Variants in SLCO1A2 observed in about 807,000 individuals in gnomAD.
The protein encoded by SLCO1A2 is OATP-1.
Under a neutral mutation model 69.0 loss-of-function variants are expected in SLCO1A2, and 67 were observed. The ratio of observed to expected loss-of-function variants is 0.97; its 90% CI spans 0.80 to 1.19. The LOEUF (loss-of-function observed/expected upper bound fraction) is 1.19, where lower values mean the gene tolerates loss of function less well. Among genes scored for constraint, SLCO1A2 ranks in the 50% most tolerant of loss-of-function variants. The pLI is 0.00. For synonymous variants in SLCO1A2, 260 were observed against 265.9 expected (o/e 0.98, Z 0.22); for missense variants, 787 against 793.7 (o/e 0.99, Z 0.10).
upstream of SLCO1A2, among the ~76,000 whole-genome samples, chr12:21,335,632 A>C (rs7980167): frequency 6.6e-6 from 1 of 152,016 alleles, no homozygotes; most frequent in Admixed American, 6.6e-5. Context: ...TAATTAATTA[A>C]GTCCTTTAAA....
chr12:21,394,414 G>A (rs1399599530), intron 1 of SLCO1A2, among the ~76,000 whole-genome samples: 2 of 145,732 alleles, frequency 1.4e-5, no homozygotes, highest in African/African-American at 5.1e-5. Context: ...GGTAGTGCAT[G>A]CCTGTAGTCC....
chr12:21,305,164 C>T (rs181958709), intron 5 of SLCO1A2, among the ~76,000 whole-genome samples: 2 of 152,322 alleles, frequency 1.3e-5, no homozygotes, highest in African/African-American at 4.8e-5. Flanking sequence ...CACCAAATAA[C>T]TTTCAATACA....
At chr12:21,383,629 T>C (rs952762640) in intron 1 of SLCO1A2, among the ~76,000 whole-genome samples, 1 of 152,198 alleles carries the variant, frequency 6.6e-6, no homozygotes, top group African/African-American at 2.4e-5. Flanking sequence ...AGAGTCTATG[T>C]AAATACAGGT....
chr12:21,390,470 A>G (rs1048972975), intron 1 of SLCO1A2, among the ~76,000 whole-genome samples: 1 of 152,178 alleles, frequency 6.6e-6, no homozygotes, highest in African/African-American at 2.4e-5. Context: ...GTGGTTGTGG[A>G]AGAATAAAGA....
At position 21,331,529 on chromosome 12, in the gene SLCO1A2, C is replaced by T. The variant is rs2136943979; in HGVS notation, c.60+3059G>A. Among the ~76,000 whole-genome samples the T allele has an allele frequency of 1.3e-5, 2 of 152,076 alleles. 1 individual carries two copies. The highest frequency in any genetic ancestry group is 4.8e-5 in the African/African-American group (2 of 41,504). On this transcript the variant is annotated intron_variant, in intron 2 of 14. Coordinates refer to ENST00000683939, the MANE Select transcript of SLCO1A2 (RefSeq NM_001386879.1). ...ACACCAGAACAACAAAAAACCCCAACAATATGATTACTGAGCACTCTAATG... is the reference window on the plus strand; with the variant it reads ...ACACCAGAACAACAAAAAACCCCAATAATATGATTACTGAGCACTCTAATG...
chr12:21,276,212 A>C (rs1045480401), intron 12 of SLCO1A2, among the ~76,000 whole-genome samples: 1 of 152,154 alleles, frequency 6.6e-6, no homozygotes, highest in African/African-American at 2.4e-5. Context: ...ACCTAACAAA[A>C]TCAACAAATT....
At chr12:21,391,423 GT>G (rs1941145523) in intron 1 of SLCO1A2, among the ~76,000 whole-genome samples, 1 of 152,202 alleles carries the variant, frequency 6.6e-6, no homozygotes, top group Admixed American at 6.5e-5. Flanking sequence ...TGAAAAACTA[GT>G]AACAGCATGC....
intron 2 of SLCO1A2, among the ~76,000 whole-genome samples, chr12:21,358,464 A>C (rs904797856): frequency 2.0e-5 from 3 of 152,210 alleles, no homozygotes; most frequent in African/African-American, 7.2e-5. Flanking sequence ...CTATGTAGCA[A>C]CATTAAAAAT....
Position 21,267,811 on chromosome 12 carries a change from C to T in SLCO1A2, c.*1737G>A, listed in dbSNP as rs1942237070. ...CTTGTTTTAGTTTCCAGGCCATTCT[C>T]CTCACTTCCTCCCACCACAAAGGAA... is the stretch of plus-strand genomic sequence containing the variant. On this transcript the variant is annotated 3_prime_UTR_variant, in exon 15 of 15. Coordinates refer to ENST00000683939, the MANE Select transcript of SLCO1A2 (RefSeq NM_001386879.1). The T allele has an allele frequency of 6.6e-6, 1 of 152,032 alleles. No homozygotes were observed. The highest frequency in any genetic ancestry group is 1.5e-5 in the Non-Finnish European group (1 of 68,014). 9.4% of individuals were successfully genotyped at this position (152,032 alleles called of 1,614,324 possible).
At chr12:21,376,717 T>C (rs1021304241) in intron 1 of SLCO1A2, among the ~76,000 whole-genome samples, 10 of 152,238 alleles carry the variant, frequency 6.6e-5, no homozygotes, top group Admixed American at 5.9e-4. Context: ...AGGCTATCTC[T>C]ACTTAGAGAT....
intron 1 of SLCO1A2, among the ~76,000 whole-genome samples, chr12:21,411,576 G>A (rs1941907713): frequency 6.6e-6 from 1 of 152,100 alleles, no homozygotes; most frequent in Admixed American, 6.5e-5. Context: ...GAAGTGTTCT[G>A]TTTGTGACCT....
intron 6 of SLCO1A2, among the ~76,000 whole-genome samples, chr12:21,303,854 G>C (rs1949023495): frequency 6.6e-6 from 1 of 152,158 alleles, no homozygotes; most frequent in African/African-American, 2.4e-5. Context: ...CTAAGTAAGT[G>C]AATGTCATGC....
intron 2 of SLCO1A2, among the ~76,000 whole-genome samples, chr12:21,369,552 C>T (rs1025431404): frequency 2.6e-5 from 4 of 152,142 alleles, no homozygotes; most frequent in Non-Finnish European, 4.4e-5. Context: ...TGATAACCAC[C>T]GTAGAGGTGT....
At position 21,293,928 on chromosome 12, in the gene SLCO1A2, C is replaced by A; in HGVS notation, c.1437+17G>T. 1.3e-6 allele frequency: 2 copies of A among 1,591,164 alleles called. No individual in the cohort carries two copies. The highest frequency in any genetic ancestry group is 1.2e-5 in the South Asian group (1 of 86,648). The stretch of plus-strand genomic sequence containing the variant: ...CCAATGCAACTCAAAAAAGTTCTGT[C>A]AAATAGGATGTCTTACCATGTTTAT... On this transcript the variant is annotated intron_variant, in intron 11 of 14. Transcript: ENST00000683939.
chr12:21,358,602 ATT>A (rs927876588), intron 2 of SLCO1A2, among the ~76,000 whole-genome samples: 1 of 152,120 alleles, frequency 6.6e-6, no homozygotes, highest in African/African-American at 2.4e-5. Flanking sequence ...TGTGTCTTAT[ATT>A]TTATCACTAG....
At chr12:21,376,304 C>T in intron 1 of SLCO1A2, 1 of 347,130 alleles carries the variant, frequency 2.9e-6, no homozygotes, top group South Asian at 2.2e-5. Context: ...CATAATTTTC[C>T]TTTATTACTT....
Position 21,269,680 on chromosome 12 carries a change from A to G in SLCO1A2, c.1881T>C (p.His627=). ...LIILILLRKC[H]LPGENASSGT... ...CTGAAGAGGCATTTTCACCAGGTAG[A>G]TGACACTTCCTCAAAAGAATTAAGA... Residue 627 remains histidine (H), a synonymous_variant, in exon 15 of 15, where the codon CAT becomes CAC. Transcript: ENST00000683939. The G allele has an allele frequency of 6.2e-7, 1 of 1,612,754 alleles. No homozygotes were observed. Among genetic ancestry groups the G allele is most frequent in the Non-Finnish European group, 8.5e-7 (1 of 1,179,108 alleles).
At chr12:21,301,887 T>C (rs532969474) in intron 6 of SLCO1A2, among the ~76,000 whole-genome samples, 1 of 152,288 alleles carries the variant, frequency 6.6e-6, no homozygotes, top group South Asian at 2.1e-4. Context: ...TTGTCTACAA[T>C]TCAGAACCTA....
chr12:21,378,286 C>G (rs763676184), intron 1 of SLCO1A2: 1 of 1,614,016 alleles, frequency 6.2e-7, no homozygotes, highest in Admixed American at 1.7e-5. Context: ...TGCAACGCAG[C>G]GCCTGGCAAA....
Sources: allele counts gnomAD v4.1 joint callset (sites outside exome capture counted in the v4.1 genomes callset), GRCh38; gene constraint gnomAD v4.1.1; transcripts MANE v1.5; gene names NCBI Gene and HGNC (gene_info 2026-07-23, HGNC 2026-07-21).